TMX4: variants seen among roughly 807,000 people sequenced by gnomAD.
The protein encoded by TMX4 is thioredoxin-related transmembrane protein 4.
In TMX4, 23 loss-of-function variants were observed where a neutral mutation model predicts 33.3. That is an observed-to-expected ratio of 0.69 (90% CI 0.50 to 0.98). The LOEUF (loss-of-function observed/expected upper bound fraction) is 0.98, where lower values mean the gene tolerates loss of function less well. TMX4 is among the 50% of genes least tolerant of loss of function. TMX4 has a pLI of 0.00. For missense variants in TMX4, 399 were observed against 448.9 expected, an observed-to-expected ratio of 0.89 and a Z score of 1.01; for synonymous variants, 164 against 161.5, an observed-to-expected ratio of 1.02 and a Z score of -0.12.
intron 5 of TMX4, 75 bp from the exon 6 acceptor site, chr20:7,987,464 G>A: frequency 9.2e-7 from 1 of 1,082,480 alleles, no homozygotes; most frequent in South Asian, 1.7e-5. Flanking sequence ...CTCTCTAGCT[G>A]TTGTTTCTAC....
chr20:8,018,000 G>T (rs2050783358), intron 1 of TMX4, among the ~76,000 whole-genome samples: 1 of 151,928 alleles, frequency 6.6e-6, no homozygotes, highest in African/African-American at 2.4e-5. Flanking sequence ...ATTTGAAGGG[G>T]TGATATGCCT....
At chr20:7,996,136 G>A in intron 4 of TMX4, 65 bp from the exon 5 acceptor site, 1 of 1,349,052 alleles carries the variant, frequency 7.4e-7, no homozygotes, top group Admixed American at 1.9e-5. Flanking sequence ...TGAAAATCAG[G>A]TCAGGAGGAC....
intron 1 of TMX4, among the ~76,000 whole-genome samples, chr20:8,011,517 G>T (rs1475006412): frequency 6.6e-6 from 1 of 151,742 alleles, no homozygotes; most frequent in Admixed American, 6.6e-5. Context: ...AACCAACTTT[G>T]CTGAATAACA....
At chr20:7,993,776 G>T (rs2050664770) in intron 5 of TMX4, among the ~76,000 whole-genome samples, 1 of 145,884 alleles carries the variant, frequency 6.9e-6, no homozygotes, top group South Asian at 2.1e-4. Flanking sequence ...AATTATTAAG[G>T]TAATGCACAC....
chr20:7,991,662 T>G (rs2122858597), intron 5 of TMX4, among the ~76,000 whole-genome samples: 1 of 152,302 alleles, frequency 6.6e-6, no homozygotes, highest in South Asian at 2.1e-4. Flanking sequence ...CTAAAAAAAT[T>G]AACAAAAGTT....
chr20:7,996,198 A>C, intron 4 of TMX4, 127 bp from the exon 5 acceptor site: 2 of 679,232 alleles, frequency 2.9e-6, no homozygotes, highest in Admixed American at 2.8e-5. Context: ...TCCCAGATTC[A>C]TATCTGTTCT....
intron 1 of TMX4, chr20:8,013,960 T>G (rs988897460): frequency 6.6e-6 from 1 of 152,204 alleles, no homozygotes; most frequent in Non-Finnish European, 1.5e-5. Context: ...GAAAGAGGTA[T>G]ACTAGGTTCA....
At chr20:8,001,585 C>A in intron 2 of TMX4, 44 bp from the exon 3 acceptor site, 2 of 1,541,754 alleles carry the variant, frequency 1.3e-6, no homozygotes, top group African/African-American at 1.4e-5. Context: ...TTAAGTCCTC[C>A]AAAAAAAGCA....
chr20:8,004,221 T>C (rs2050718466), intron 2 of TMX4, among the ~76,000 whole-genome samples: 1 of 152,096 alleles, frequency 6.6e-6, no homozygotes, highest in Admixed American at 6.5e-5. Flanking sequence ...CCTTTAACAC[T>C]GATTCTATGA....
intron 1 of TMX4, 199 bp downstream of exon 1, chr20:8,019,239 C>A: frequency 1.6e-6 from 1 of 622,688 alleles, no homozygotes; most frequent in South Asian, 2.3e-5. Context: ...AAGGCGGGTC[C>A]GCGGACCCCA....
chr20:8,001,200 T>C (rs2050705783), intron 3 of TMX4, among the ~76,000 whole-genome samples: 1 of 152,166 alleles, frequency 6.6e-6, no homozygotes, highest in African/African-American at 2.4e-5. Flanking sequence ...GGAAAGACTT[T>C]CTCTACCTTG....
At chr20:8,011,262 G>C (rs1221046378) in intron 1 of TMX4, among the ~76,000 whole-genome samples, 1 of 151,982 alleles carries the variant, frequency 6.6e-6, no homozygotes, top group Non-Finnish European at 1.5e-5. Context: ...AAAGGGGCCA[G>C]GGGAGAGAAA....
At chr20:7,996,154 T>G (rs1424904359) in intron 4 of TMX4, 83 bp from the exon 5 acceptor site, 1 of 1,109,348 alleles carries the variant, frequency 9.0e-7, no homozygotes, top group East Asian at 2.5e-5. Context: ...GACTGGTCTA[T>G]TTCCCTCCAC....
At chr20:7,990,168 G>A (rs929160131) in intron 5 of TMX4, among the ~76,000 whole-genome samples, 2 of 151,982 alleles carry the variant, frequency 1.3e-5, no homozygotes, top group Admixed American at 6.6e-5. Context: ...GGTGGCAGGC[G>A]CCTGTAGTCC....
At chr20:7,996,393 C>A (rs1172494525) in intron 4 of TMX4, among the ~76,000 whole-genome samples, 4 of 152,180 alleles carry the variant, frequency 2.6e-5, no homozygotes, top group Admixed American at 6.5e-5. Context: ...TAGTCCCAAA[C>A]CTAAGTGGAC....
intron 1 of TMX4, among the ~76,000 whole-genome samples, chr20:8,012,105 G>GA (rs988324158): frequency 6.6e-6 from 1 of 151,928 alleles, no homozygotes. Flanking sequence ...CAAACTTTAG[G>GA]AAAAAAAGGA....
Position 7,978,679 on chromosome 20 carries a change from A to G in TMX4, c.*3572T>C, listed in dbSNP as rs1427331326. On this transcript the variant is annotated 3_prime_UTR_variant, in exon 8 of 8. Transcript: ENST00000246024. ...CTAACAGACAGGGATTCCATGCACA[A>G]GAGCTTTTAAGTATGTGCCCATGCA... 6.6e-6 allele frequency: 1 copy of G among 152,216 alleles called. No homozygotes were observed. Among genetic ancestry groups the G allele is most frequent in the Non-Finnish European group, 1.5e-5 (1 of 68,054 alleles). The allele number at this position is 152,216 out of a possible 1,614,324, so 9.4% of individuals were successfully genotyped here. A position where few individuals can be genotyped will look rare whatever the true frequency, so the allele number is the denominator to read the frequency against.
intron 7 of TMX4, 67 bp from the exon 8 acceptor site, chr20:7,982,688 G>GT: frequency 1.4e-6 from 2 of 1,479,750 alleles, no homozygotes; most frequent in Non-Finnish European, 1.8e-6. Flanking sequence ...AATTGAGTGT[G>GT]TTTAGCTGTG....
At chr20:7,986,091 C>T (rs2122853218) in intron 6 of TMX4, among the ~76,000 whole-genome samples, 1 of 152,242 alleles carries the variant, frequency 6.6e-6, no homozygotes, top group Admixed American at 6.5e-5. Context: ...CACCAGACAA[C>T]AGATGGGAGA....
Sources: gnomAD v4.1 joint callset for allele counts (sites outside exome capture counted in the v4.1 genomes callset) on GRCh38, gnomAD v4.1.1 for gene constraint, MANE v1.5 for transcripts, NCBI Gene and HGNC (gene_info 2026-07-23, HGNC 2026-07-21) for gene names.